The following NELL1 variants were observed in gnomAD, a reference collection of about 807,000 sequenced individuals.
The protein encoded by NELL1 is protein kinase C-binding protein NELL1.
In NELL1, 76 loss-of-function variants were observed where a neutral mutation model predicts 107.4. The ratio of observed to expected loss-of-function variants is 0.71; its 90% CI spans 0.59 to 0.86. The LOEUF (loss-of-function observed/expected upper bound fraction) is 0.86, where lower values mean the gene tolerates loss of function less well. Among genes scored for constraint, NELL1 ranks in the 40% least tolerant of loss-of-function variants. NELL1 has a pLI of 0.00. For missense variants in NELL1, 1,024 were observed against 1,005.5 expected, an observed-to-expected ratio of 1.02 and a Z score of -0.25; for synonymous variants, 353 against 341.2, an observed-to-expected ratio of 1.03 and a Z score of -0.38.
chr11:20,706,300 A>G (rs1243168045), intron 2 of NELL1, among the ~76,000 whole-genome samples: 1 of 152,190 alleles, frequency 6.6e-6, no homozygotes, highest in Non-Finnish European at 1.5e-5. Flanking sequence ...GGATATAAGA[A>G]AATGTGGCAT....
At position 21,492,864 on chromosome 11, in the gene NELL1, G is replaced by A. The variant is rs75588038; in HGVS notation, c.1646-41510G>A. ...TACATATGTAACTAACGTGCACATTGTGCACATGTACCCTAAAACTTAAAG... is the reference window on the plus strand; with the variant it reads ...TACATATGTAACTAACGTGCACATTATGCACATGTACCCTAAAACTTAAAG... On this transcript the variant is annotated intron_variant, in intron 15 of 19. Transcript: ENST00000357134. 0.021 allele frequency among the ~76,000 whole-genome samples: 3,226 copies of A among 152,030 alleles called. 295 individuals are homozygous for A. In the East Asian group the frequency reaches 0.29, roughly 14 times the overall value.
chr11:21,127,236 A>C (rs1183325932), intron 13 of NELL1, among the ~76,000 whole-genome samples: 1 of 152,156 alleles, frequency 6.6e-6, no homozygotes, highest in Non-Finnish European at 1.5e-5. Flanking sequence ...CAATTATAAA[A>C]AGGGTTTTTC....
chr11:21,094,683 C>T (rs925582793), intron 12 of NELL1, among the ~76,000 whole-genome samples: 2 of 152,186 alleles, frequency 1.3e-5, no homozygotes, highest in African/African-American at 4.8e-5. Flanking sequence ...GAGCTTTCAC[C>T]CTCTGAAACC....
At chr11:21,000,093 T>C (rs763957200) in intron 12 of NELL1, among the ~76,000 whole-genome samples, 4 of 152,144 alleles carry the variant, frequency 2.6e-5, no homozygotes, top group Admixed American at 6.5e-5. Context: ...AATGATTGAC[T>C]AAATCACAGT....
chr11:21,144,633 GAT>G (rs1855937600), intron 13 of NELL1, among the ~76,000 whole-genome samples: 1 of 152,198 alleles, frequency 6.6e-6, no homozygotes, highest in Non-Finnish European at 1.5e-5. Context: ...AAGACAAGTA[GAT>G]ATTTTTGCAC....
chr11:21,320,051 G>C lies in NELL1; in HGVS notation c.1550-50802G>C, dbSNP rs114906910. Among the ~76,000 whole-genome samples, 1,071 of 151,096 alleles carry C rather than the reference G, an allele frequency of 7.1e-3. 23 individuals are homozygous for C. Among genetic ancestry groups the C allele is most frequent in the African/African-American group, 0.025 (1,015 of 40,474 alleles). ...AAATCCCTGCAAAAGTGTTTATCCA[G>C]TAGATCACGGGACTTCATACCTTCT... On this transcript the variant is annotated intron_variant, in intron 14 of 19. Coordinates refer to ENST00000357134, the MANE Select transcript of NELL1 (RefSeq NM_006157.5).
intron 13 of NELL1, among the ~76,000 whole-genome samples, chr11:21,121,802 G>A (rs1855373943): frequency 6.6e-6 from 1 of 152,064 alleles, no homozygotes; most frequent in African/African-American, 2.4e-5. Flanking sequence ...AAAATTAAGA[G>A]GTCCCTCTAA....
intron 14 of NELL1, among the ~76,000 whole-genome samples, chr11:21,241,671 C>T (rs189980026): frequency 3.3e-5 from 5 of 152,232 alleles, no homozygotes; most frequent in East Asian, 1.9e-4. Context: ...GAATGTTTAA[C>T]TAGGACTGAC....
In NELL1 at chr11:21,535,692, C is replaced by T. The variant is rs1186499952; in HGVS notation, c.1786+1178C>T. On this transcript the variant is annotated intron_variant, in intron 16 of 19. Coordinates refer to ENST00000357134, the MANE Select transcript of NELL1 (RefSeq NM_006157.5). ...GTACATTTTTATCCAGTCTGTATTTCAGCTATCTCATCTGTGAAATTGAAA... is the reference window on the plus strand; with the variant it reads ...GTACATTTTTATCCAGTCTGTATTTTAGCTATCTCATCTGTGAAATTGAAA... Among the ~76,000 whole-genome samples the T allele has an allele frequency of 1.3e-5, 2 of 152,106 alleles. 1 individual carries two copies. The highest frequency in any genetic ancestry group is 1.3e-4 in the Admixed American group (2 of 15,252).
At chr11:21,335,226 C>T (rs1850364392) in intron 14 of NELL1, among the ~76,000 whole-genome samples, 1 of 151,874 alleles carries the variant, frequency 6.6e-6, no homozygotes, top group African/African-American at 2.4e-5. Flanking sequence ...TAATTCTATC[C>T]TGAGATATTT....
intron 13 of NELL1, among the ~76,000 whole-genome samples, chr11:21,209,994 T>C (rs1857466434): frequency 6.6e-6 from 1 of 152,172 alleles, no homozygotes; most frequent in African/African-American, 2.4e-5. Context: ...ATTATATCTT[T>C]TTTGACTGGT....
chr11:21,474,419 A>G lies in NELL1; in HGVS notation c.1646-59955A>G, dbSNP rs139363388. ...AAAAATCAAGAGAACAGGGACTTTT[A>G]TCTTGCTTGCTGCTGAATTCCCAAA... is the stretch of plus-strand genomic sequence containing the variant. On this transcript the variant is annotated intron_variant, in intron 15 of 19. Transcript: ENST00000357134. Among the ~76,000 whole-genome samples, 519 of 152,166 alleles carry G rather than the reference A, an allele frequency of 3.4e-3. 4 individuals are homozygous for G. Among genetic ancestry groups the G allele is most frequent in the African/African-American group, 0.012 (482 of 41,564 alleles).
chr11:21,537,835 GCATGA>G (rs1856175892), intron 16 of NELL1, among the ~76,000 whole-genome samples: 1 of 151,844 alleles, frequency 6.6e-6, no homozygotes. Context: ...AGATTGTGGT[GCATGA>G]CATGAGATGT....
At chr11:21,069,179 T>C (rs1853951908) in intron 12 of NELL1, among the ~76,000 whole-genome samples, 1 of 152,204 alleles carries the variant, frequency 6.6e-6, no homozygotes, top group Admixed American at 6.5e-5. Flanking sequence ...GATACAGGGC[T>C]TAATACCTTG....
intron 14 of NELL1, among the ~76,000 whole-genome samples, chr11:21,279,299 A>T (rs1848939808): frequency 6.6e-6 from 1 of 152,192 alleles, no homozygotes; most frequent in Non-Finnish European, 1.5e-5. Flanking sequence ...CGTTTGTTCT[A>T]GAAAAGACAC....
rs574639040 is a variant in NELL1 at position 20,783,706 on chromosome 11, C to A, written c.211C>A (p.Pro71Thr). Residue 71 changes from proline to threonine, a missense_variant, in exon 3 of 20, where the codon CCT becomes ACT. Transcript: ENST00000357134. The part of the protein sequence containing the change: ...QDIEREIHAA[P>T]HVSEKLIQLF... The stretch of plus-strand genomic sequence containing the variant: ...CATAGAAAGAGAGATCCATGCAGCT[C>A]CTCATGTGAGTGAGAAATTAATTCA... 1 of 1,613,882 alleles carries A rather than the reference C, an allele frequency of 6.2e-7. No homozygotes were observed. Among genetic ancestry groups the A allele is most frequent in the Admixed American group, 1.7e-5 (1 of 60,008 alleles).
At chr11:21,434,564 A>G (rs1853056340) in intron 15 of NELL1, among the ~76,000 whole-genome samples, 1 of 152,118 alleles carries the variant, frequency 6.6e-6, no homozygotes, top group Admixed American at 6.5e-5. Context: ...CTATTTTTAT[A>G]ATAATACTGC....
chr11:21,569,211 A>T (rs1462949773), intron 17 of NELL1, among the ~76,000 whole-genome samples: 1 of 120,584 alleles, frequency 8.3e-6, no homozygotes, highest in East Asian at 2.1e-4. Flanking sequence ...ACATGACTTT[A>T]TTGAAAAAAA....
chr11:21,247,029 A>G (rs1471217685), intron 14 of NELL1, among the ~76,000 whole-genome samples: 3 of 152,184 alleles, frequency 2.0e-5, no homozygotes, highest in South Asian at 2.1e-4. Context: ...CAGCCAAACC[A>G]TATCAATATC....
Sources: gnomAD v4.1 joint callset for allele counts (sites outside exome capture counted in the v4.1 genomes callset) on GRCh38, gnomAD v4.1.1 for gene constraint, MANE v1.5 for transcripts, NCBI Gene and HGNC (gene_info 2026-07-23, HGNC 2026-07-21) for gene names.